OR4D1: variants seen among roughly 807,000 people sequenced by gnomAD.
OR4D1 encodes the protein olfactory receptor 4D1.
A neutral mutation model predicts 14.2 loss-of-function variants in OR4D1; 10 were observed. That is an observed-to-expected ratio of 0.71 (90% CI 0.44 to 1.20). OR4D1 has a LOEUF of 1.20. OR4D1 is among the 50% of genes most tolerant of loss of function. The pLI, the probability that OR4D1 is intolerant of heterozygous loss-of-function variation, is 0.00. For synonymous variants in OR4D1, 141 were observed against 147.4 expected, an observed-to-expected ratio of 0.96 and a Z score of 0.32; for missense variants, 345 against 376.6, an observed-to-expected ratio of 0.92 and a Z score of 0.70.
chr17:58,157,033 C>T lies in OR4D1; in HGVS notation c.*947C>T. 2 of 1,046,892 alleles carry T rather than the reference C, an allele frequency of 1.9e-6. No individual in the cohort carries two copies. The highest frequency in any genetic ancestry group is 2.8e-6 in the Non-Finnish European group (2 of 708,664). The allele number at this position is 1,046,892 out of a possible 1,614,324, so 64.9% of individuals were successfully genotyped here. Reference sequence around the variant, plus strand: ...GCAGGGAAGGCATGGCTTCTGTTTTCGTCCAATGAGAAGGGGCCAGCGGTG... The same window carrying T: ...GCAGGGAAGGCATGGCTTCTGTTTTTGTCCAATGAGAAGGGGCCAGCGGTG... On this transcript the variant is annotated 3_prime_UTR_variant, in exon 4 of 4. Transcript: ENST00000268912.
At chr17:58,151,399 C>G (rs1967700927) in intron 2 of OR4D1, among the ~76,000 whole-genome samples, 1 of 152,210 alleles carries the variant, frequency 6.6e-6, no homozygotes. Flanking sequence ...AGCTATTCCT[C>G]CTGATGCTCT....
Position 58,157,740 on chromosome 17 carries a change from T to C in OR4D1, c.*1654T>C. 1.2e-6 allele frequency: 2 copies of C among 1,613,624 alleles called. No homozygotes were observed. Among genetic ancestry groups the C allele is most frequent in the Non-Finnish European group, 8.5e-7 (1 of 1,179,826 alleles). On this transcript the variant is annotated 3_prime_UTR_variant, in exon 4 of 4. Coordinates refer to ENST00000268912, the MANE Select transcript of OR4D1 (RefSeq NM_001386095.1). ...TCCTACCCGTTCCATAGACCTGTGC[T>C]TCCCATCCCGCCCGTGGGACTCTAT...
Position 58,156,479 on chromosome 17 carries a change from A to G in OR4D1, c.*393A>G, listed in dbSNP as rs1967775819. 1 of 179,014 alleles carries G rather than the reference A, an allele frequency of 5.6e-6. No individual in the cohort carries two copies. 11.1% of individuals were successfully genotyped at this position (179,014 alleles called of 1,614,324 possible). A position where few individuals can be genotyped will look rare whatever the true frequency, so the allele number is the denominator to read the frequency against. On this transcript the variant is annotated 3_prime_UTR_variant, in exon 4 of 4. Coordinates refer to ENST00000268912, the MANE Select transcript of OR4D1 (RefSeq NM_001386095.1). ...TGACCAGGCTGGTCTCGAACTCCTGACCTAGGTGATCCACCCGCCTTGGCC... is the reference window on the plus strand; with the variant it reads ...TGACCAGGCTGGTCTCGAACTCCTGGCCTAGGTGATCCACCCGCCTTGGCC...
In OR4D1 at chr17:58,157,571, C is replaced by T. The variant is rs1176345496; in HGVS notation, c.*1485C>T. ...GGAGACTCAGGTCAAAATCTTGTTC[C>T]AGAACCGAAGGGCCAAGACGAAAAG... On this transcript the variant is annotated 3_prime_UTR_variant, in exon 4 of 4. Coordinates refer to ENST00000268912, the MANE Select transcript of OR4D1 (RefSeq NM_001386095.1). The T allele has an allele frequency of 1.3e-6, 2 of 1,595,444 alleles. No individual in the cohort carries two copies. Among genetic ancestry groups the T allele is most frequent in the Non-Finnish European group, 8.6e-7 (1 of 1,163,254 alleles).
At chr17:58,148,633 A>G (rs1438591108) in intron 1 of OR4D1, 49 bp downstream of exon 1, 2 of 152,346 alleles carry the variant, frequency 1.3e-5, no homozygotes, top group Non-Finnish European at 2.9e-5. Context: ...GTCATCAGGC[A>G]TTAATGCAAG....
chr17:58,153,964 G>A lies in OR4D1; in HGVS notation c.-20+1G>A, dbSNP rs957923179. On this transcript the variant is annotated splice_donor_variant, in intron 3 of 3. Transcript: ENST00000268912. LOFTEE classifies it low-confidence loss of function (5UTR_SPLICE). The stretch of plus-strand genomic sequence containing the variant: ...GCCTCCTGAATAACTGAGACTACAG[G>A]TATGCACTACCATGCCCAGGTAACT... 6.6e-6 allele frequency among the ~76,000 whole-genome samples: 1 copy of A among 152,120 alleles called. No individual in the cohort carries two copies. The highest frequency in any genetic ancestry group is 1.5e-5 in the Non-Finnish European group (1 of 68,022).
chr17:58,157,188 C>G lies in OR4D1; in HGVS notation c.*1102C>G. 4 of 1,459,130 alleles carry G rather than the reference C, an allele frequency of 2.7e-6. No homozygotes were observed. Among genetic ancestry groups the G allele is most frequent in the Non-Finnish European group, 3.6e-6 (4 of 1,104,946 alleles). 90.4% of individuals were successfully genotyped at this position (1,459,130 alleles called of 1,614,324 possible). A position where few individuals can be genotyped will look rare whatever the true frequency, so the allele number is the denominator to read the frequency against. ...CAAGAAGCCGCCCAAGGAGGCATCC[C>G]CAGTGCCGGCCAAAAGCGCCTCTTC... On this transcript the variant is annotated 3_prime_UTR_variant, in exon 4 of 4. Transcript: ENST00000268912.
Position 58,155,445 on chromosome 17 carries a change from A to G in OR4D1, c.292A>G (p.Met98Val). 6.2e-7 allele frequency: 1 copy of G among 1,614,162 alleles called. No individual in the cohort carries two copies. The highest frequency in any genetic ancestry group is 8.5e-7 in the Non-Finnish European group (1 of 1,180,024). The change falls in exon 4 of 4, where the codon ATG becomes GTG. Residue 98 changes from methionine (M) to valine (V), a missense_variant. Physicochemically the swap from Met to Val is conservative, Grantham distance 21. Coordinates refer to ENST00000268912, the MANE Select transcript of OR4D1 (RefSeq NM_001386095.1). The stretch of plus-strand genomic sequence containing the variant: ...CAAGACGATCTCCTACCAGGGCTGC[A>G]TGGCCCAGATCTTCTTCTTCCACCT... ...ETKTISYQGC[M>V]AQIFFFHLLG...
At chr17:58,149,031 C>G (rs1163936119) in intron 1 of OR4D1, among the ~76,000 whole-genome samples, 1 of 152,186 alleles carries the variant, frequency 6.6e-6, no homozygotes, top group Non-Finnish European at 1.5e-5. Flanking sequence ...TGACAACAGA[C>G]TAGATTCTAC....
In OR4D1 at chr17:58,157,493, C is replaced by G. The variant is rs1349610714; in HGVS notation, c.*1407C>G. 2 of 1,163,734 alleles carry G rather than the reference C, an allele frequency of 1.7e-6. No individual in the cohort carries two copies. Among genetic ancestry groups the G allele is most frequent in the African/African-American group, 3.0e-5 (2 of 66,410 alleles). 72.1% of individuals were successfully genotyped at this position (1,163,734 alleles called of 1,614,324 possible). ...TCTGGAGGGCAAGTTGCTCCAGAAA[C>G]AGTACCTCTCCATTGCAGAGGGTGC... On this transcript the variant is annotated 3_prime_UTR_variant, in exon 4 of 4. Coordinates refer to ENST00000268912, the MANE Select transcript of OR4D1 (RefSeq NM_001386095.1).
At chr17:58,151,756 A>G (rs1967707374) in intron 2 of OR4D1, among the ~76,000 whole-genome samples, 1 of 152,184 alleles carries the variant, frequency 6.6e-6, no homozygotes, top group South Asian at 2.1e-4. Context: ...GAGGAACCAT[A>G]TTTTATTTAA....
Position 58,156,223 on chromosome 17 carries a change from G to T in OR4D1, c.*137G>T. Reference sequence around the variant, plus strand: ...TCTTGAGGACCTAGTGCTGTGTCAAGTACTGTGTTAAGCACTTCCACGCTT... The same window carrying T: ...TCTTGAGGACCTAGTGCTGTGTCAATTACTGTGTTAAGCACTTCCACGCTT... On this transcript the variant is annotated 3_prime_UTR_variant, in exon 4 of 4. Transcript: ENST00000268912. The T allele has an allele frequency of 3.1e-6, 2 of 641,650 alleles. No individual in the cohort carries two copies. The highest frequency in any genetic ancestry group is 5.3e-6 in the Non-Finnish European group (2 of 377,798). The allele number at this position is 641,650 out of a possible 1,614,324, so 39.7% of individuals were successfully genotyped here. A position where few individuals can be genotyped will look rare whatever the true frequency, so the allele number is the denominator to read the frequency against.
rs1967755879 is a variant in OR4D1 at position 58,155,451 on chromosome 17, C to T, written c.298C>T (p.Gln100Ter). Residue 100 changes from glutamine (Q) to a stop codon, truncating the protein, a stop_gained, in exon 4 of 4, where the codon CAG becomes TAG. Coordinates refer to ENST00000268912, the MANE Select transcript of OR4D1 (RefSeq NM_001386095.1). LOFTEE classifies it high-confidence loss of function. ...GATCTCCTACCAGGGCTGCATGGCC[C>T]AGATCTTCTTCTTCCACCTTTTGGG... ...KTISYQGCMA[Q>*]IFFFHLLGGG... 6.2e-7 allele frequency: 1 copy of T among 1,614,190 alleles called. No individual in the cohort carries two copies. Among genetic ancestry groups the T allele is most frequent in the Non-Finnish European group, 8.5e-7 (1 of 1,180,036 alleles).
In OR4D1 at chr17:58,157,350, G is replaced by A. The variant is rs373940017; in HGVS notation, c.*1264G>A. ...CCTAAGACGGAGCGGCGTGGATGCA[G>A]GAACCCTGCTGATAATTCGCCGCCG... On this transcript the variant is annotated 3_prime_UTR_variant, in exon 4 of 4. Coordinates refer to ENST00000268912, the MANE Select transcript of OR4D1 (RefSeq NM_001386095.1). The A allele has an allele frequency of 2.1e-6, 3 of 1,436,374 alleles. No homozygotes were observed. The highest frequency in any genetic ancestry group is 2.8e-6 in the Non-Finnish European group (3 of 1,054,110). 89.0% of individuals were successfully genotyped at this position (1,436,374 alleles called of 1,614,324 possible).
chr17:58,156,315 G>GA lies in OR4D1; in HGVS notation c.*229_*230insA. ...ACCCAGGCTGGAGTGCAGTGGTGCA[G>GA]TCTAGGCTCACTGCAACCTCCACCT... is the stretch of plus-strand genomic sequence containing the variant. On this transcript the variant is annotated 3_prime_UTR_variant, in exon 4 of 4. Coordinates refer to ENST00000268912, the MANE Select transcript of OR4D1 (RefSeq NM_001386095.1). 3 of 423,972 alleles carry GA rather than the reference G, an allele frequency of 7.1e-6. No individual in the cohort carries two copies. Among genetic ancestry groups the GA allele is most frequent in the Non-Finnish European group, 1.2e-5 (3 of 240,022 alleles). 26.3% of individuals were successfully genotyped at this position (423,972 alleles called of 1,614,324 possible).
intron 2 of OR4D1, among the ~76,000 whole-genome samples, chr17:58,151,288 CATGTGCAGG>C (rs1967699681): frequency 6.6e-6 from 1 of 152,058 alleles, no homozygotes; most frequent in South Asian, 2.1e-4. Flanking sequence ...TTCAGGGGTA[CATGTGCAGG>C]ATGTGCAGGT....
rs751303805 is a variant in OR4D1, at chr17:58,155,431, C to T, written c.278C>T (p.Ser93Phe). ...TTCCTCCATGAGACCAAGACGATCT[C>T]CTACCAGGGCTGCATGGCCCAGATC... ...VDFLHETKTI[S>F]YQGCMAQIFF... Residue 93 changes from serine to phenylalanine, a missense_variant, in exon 4 of 4, where the codon TCC becomes TTC. Physicochemically the swap from Ser to Phe is radical, Grantham distance 155 (BLOSUM62 -2). Coordinates refer to ENST00000268912, the MANE Select transcript of OR4D1 (RefSeq NM_001386095.1). 1.9e-6 allele frequency: 3 copies of T among 1,614,084 alleles called. No individual in the cohort carries two copies. The highest frequency in any genetic ancestry group is 1.6e-4 in the Middle Eastern group (1 of 6,084).
At position 58,158,445 on chromosome 17, in the gene OR4D1, G is replaced by GCCCC. The variant is rs1200801788; in HGVS notation, c.*2362_*2363insCCCC. ...CATATTTGTTCCTATCTCTCCCCAC[G>GCCCC]CCCACCCCCCCCCCACACACACATT... On this transcript the variant is annotated 3_prime_UTR_variant, in exon 4 of 4. Transcript: ENST00000268912. 3.1e-4 allele frequency: 21 copies of GCCCC among 67,858 alleles called. No homozygotes were observed. Among genetic ancestry groups the GCCCC allele is most frequent in the Non-Finnish European group, 5.4e-4 (17 of 31,322 alleles). 4.2% of individuals were successfully genotyped at this position (67,858 alleles called of 1,614,324 possible).
chr17:58,152,589 T>C (rs1967715107), intron 2 of OR4D1, among the ~76,000 whole-genome samples: 1 of 152,198 alleles, frequency 6.6e-6, no homozygotes, highest in African/African-American at 2.4e-5. Context: ...TTTCTTTACA[T>C]CCATAAAAAC....
Sources: gnomAD v4.1 joint callset for allele counts (sites outside exome capture counted in the v4.1 genomes callset) on GRCh38, gnomAD v4.1.1 for gene constraint, MANE v1.5 for transcripts, NCBI Gene and HGNC (gene_info 2026-07-23, HGNC 2026-07-21) for gene names.